Variants in RALGPS1 observed in about 807,000 individuals in gnomAD.
RALGPS1 encodes the protein ras-specific guanine nucleotide-releasing factor RalGPS1.
A neutral mutation model predicts 78.8 loss-of-function variants in RALGPS1; 19 were observed. The observed-to-expected ratio is 0.24, with a 90% CI of 0.17 to 0.35. The LOEUF (loss-of-function observed/expected upper bound fraction) is 0.35, where lower values mean the gene tolerates loss of function less well. RALGPS1 is among the 10% of genes least tolerant of loss of function. The probability of loss-of-function intolerance (pLI) is 1.00; values close to 1 mark genes in which losing one functional copy is unlikely to be tolerated. For synonymous variants in RALGPS1, 228 were observed against 256.3 expected (o/e 0.89, Z 1.06); for missense variants, 454 against 688.3 (o/e 0.66, Z 3.81).
chr9:127,032,761 A>T (rs577136386), intron 4 of RALGPS1, among the ~76,000 whole-genome samples: 22 of 152,290 alleles, frequency 1.4e-4, no homozygotes, highest in Non-Finnish European at 2.5e-4. Context: ...AGGCCGAAGC[A>T]AGAAGATCGC....
intron 1 of RALGPS1, among the ~76,000 whole-genome samples, chr9:126,929,833 A>G (rs2035635199): frequency 6.6e-6 from 1 of 151,924 alleles, no homozygotes; most frequent in South Asian, 2.1e-4. Flanking sequence ...GGGAAGTGGC[A>G]TTAGGGATTT....
chr9:126,968,988 C>T (rs528991672), intron 3 of RALGPS1, among the ~76,000 whole-genome samples: 20 of 151,938 alleles, frequency 1.3e-4, no homozygotes, highest in South Asian at 6.2e-4. Flanking sequence ...GCAGAGGTTG[C>T]GGTGAGCCGA....
chr9:127,051,313 A>G (rs1226481006), intron 6 of RALGPS1, among the ~76,000 whole-genome samples: 4 of 152,206 alleles, frequency 2.6e-5, no homozygotes, highest in South Asian at 2.1e-4. Flanking sequence ...GGAATTCAAA[A>G]TGATCCCTCC....
chr9:126,963,899 C>T (rs927521623), intron 2 of RALGPS1, among the ~76,000 whole-genome samples: 6 of 152,164 alleles, frequency 3.9e-5, no homozygotes, highest in South Asian at 2.1e-4. Context: ...AAGTATAGAA[C>T]GGTTTGTACA....
intron 8 of RALGPS1, among the ~76,000 whole-genome samples, chr9:127,157,059 CTTTA>C (rs1292374297): frequency 6.6e-6 from 1 of 151,966 alleles, no homozygotes; most frequent in Admixed American, 6.5e-5. Context: ...GCTGGGCTCC[CTTTA>C]TTTGTCTAAC....
intron 1 of RALGPS1, among the ~76,000 whole-genome samples, chr9:126,931,651 T>A (rs538559189): frequency 2.6e-5 from 4 of 152,232 alleles, no homozygotes; most frequent in African/African-American, 9.6e-5. Context: ...ATGGGTTGGG[T>A]ACAGGATTTC....
intron 8 of RALGPS1, among the ~76,000 whole-genome samples, chr9:127,118,891 G>A (rs1163406366): frequency 6.6e-6 from 1 of 152,222 alleles, no homozygotes; most frequent in Non-Finnish European, 1.5e-5. Flanking sequence ...GCTACCCATT[G>A]CCATCTCCCT....
At chr9:127,046,713 G>A (rs1304333251) in intron 5 of RALGPS1, among the ~76,000 whole-genome samples, 1 of 148,848 alleles carries the variant, frequency 6.7e-6, no homozygotes, top group African/African-American at 2.5e-5. Flanking sequence ...GGTGATGCAT[G>A]CCTGTAGTTT....
chr9:127,179,384 C>T (rs957944123), intron 11 of RALGPS1, among the ~76,000 whole-genome samples: 1 of 152,162 alleles, frequency 6.6e-6, no homozygotes, highest in Non-Finnish European at 1.5e-5. Context: ...TCCAGGGAGG[C>T]CTTTCTGGAC....
At chr9:127,178,855 C>A (rs2060041782) in intron 11 of RALGPS1, among the ~76,000 whole-genome samples, 1 of 152,234 alleles carries the variant, frequency 6.6e-6, no homozygotes. Flanking sequence ...AACTGGCCCT[C>A]ATGCTCCTCC....
At chr9:127,092,102 A>G (rs966259223) in intron 8 of RALGPS1, among the ~76,000 whole-genome samples, 4 of 152,068 alleles carry the variant, frequency 2.6e-5, no homozygotes, top group African/African-American at 9.7e-5. Context: ...TCTCTCCATG[A>G]CTCACACATT....
At chr9:127,124,380 A>G (rs548378973) in intron 8 of RALGPS1, among the ~76,000 whole-genome samples, 1 of 152,302 alleles carries the variant, frequency 6.6e-6, no homozygotes, top group South Asian at 2.1e-4. Flanking sequence ...CAGACACGTG[A>G]GCAAGGAAAG....
intron 4 of RALGPS1, among the ~76,000 whole-genome samples, chr9:127,011,702 A>G (rs1157531130): frequency 6.6e-6 from 1 of 152,252 alleles, no homozygotes; most frequent in Non-Finnish European, 1.5e-5. Context: ...AATTTAAAAA[A>G]TAAATACTTT....
intron 14 of RALGPS1, among the ~76,000 whole-genome samples, chr9:127,204,242 C>G (rs1014985679): frequency 3.9e-5 from 6 of 152,136 alleles, no homozygotes; most frequent in African/African-American, 1.4e-4. Flanking sequence ...TCATAGCTCA[C>G]TGCAGCCTTG....
chr9:127,140,737 C>G (rs1272676675), intron 8 of RALGPS1, among the ~76,000 whole-genome samples: 1 of 152,072 alleles, frequency 6.6e-6, no homozygotes, highest in Non-Finnish European at 1.5e-5. Flanking sequence ...AAAGTTTTAA[C>G]CTCCCCCCAA....
chr9:126,938,944 T>A (rs953583592), intron 1 of RALGPS1, among the ~76,000 whole-genome samples: 8 of 152,256 alleles, frequency 5.3e-5, no homozygotes, highest in African/African-American at 1.9e-4. Context: ...TTTTTGCTGG[T>A]GGTGAAAGAA....
chr9:127,042,559 A>G (rs781420208), intron 5 of RALGPS1, among the ~76,000 whole-genome samples: 2 of 152,216 alleles, frequency 1.3e-5, no homozygotes, highest in Non-Finnish European at 2.9e-5. Context: ...TTCAGCCAAC[A>G]TCATACATAA....
intron 11 of RALGPS1, among the ~76,000 whole-genome samples, chr9:127,187,322 C>T (rs1223512214): frequency 6.6e-6 from 1 of 152,180 alleles, no homozygotes; most frequent in Non-Finnish European, 1.5e-5. Context: ...CCACCGTGTT[C>T]CTCCTTCCTC....
chr9:127,174,683 C>A (rs373045041), intron 10 of RALGPS1, 32 bp from the exon 11 acceptor site: 2 of 1,605,502 alleles, frequency 1.2e-6, no homozygotes, highest in South Asian at 1.1e-5. Context: ...AAACCAGAGC[C>A]CATCTGATCT....
Sources: allele counts gnomAD v4.1 joint callset (sites outside exome capture counted in the v4.1 genomes callset), GRCh38; gene constraint gnomAD v4.1.1; transcripts MANE v1.5; gene names NCBI Gene and HGNC (gene_info 2026-07-23, HGNC 2026-07-21).